Variants in CCNY observed in about 807,000 individuals in gnomAD.
CCNY encodes cyclin Y.
In CCNY, 19 loss-of-function variants were observed where a neutral mutation model predicts 42.8. The ratio of observed to expected loss-of-function variants is 0.44; its 90% CI spans 0.31 to 0.65. CCNY has a LOEUF of 0.65. CCNY is among the 30% of genes least tolerant of loss of function. The probability of loss-of-function intolerance (pLI) is 0.07; values close to 1 mark genes in which losing one functional copy is unlikely to be tolerated. For synonymous variants in CCNY, 165 were observed against 162.7 expected (o/e 1.01, Z -0.11); for missense variants, 370 against 437.3 (o/e 0.85, Z 1.37).
Position 35,267,939 on chromosome 10 carries a change from T to C in CCNY, c.-9+17313T>C, listed in dbSNP as rs570965752. On this transcript the variant is annotated intron_variant, in intron 3 of 11. Transcript: ENST00000374706. ...CAGTTCTTATCTTCTTTTTTCCTTT[T>C]TTTTTGAGACAGAGTCTCATGACCA... is the stretch of plus-strand genomic sequence containing the variant. Among the ~76,000 whole-genome samples, 7 of 152,272 alleles carry C rather than the reference T, an allele frequency of 4.6e-5. No individual in the cohort carries two copies. In the East Asian group the frequency reaches 9.7e-4, roughly 21 times the overall value.
chr10:35,562,027 T>C (rs1841476665), intron 8 of CCNY, among the ~76,000 whole-genome samples: 1 of 152,174 alleles, frequency 6.6e-6, no homozygotes, highest in African/African-American at 2.4e-5. Flanking sequence ...GAGCAAGAAG[T>C]GGCAACCGCT....
chr10:35,494,260 AT>A (rs1182050522), intron 2 of CCNY, among the ~76,000 whole-genome samples: 6 of 145,440 alleles, frequency 4.1e-5, no homozygotes, highest in African/African-American at 1.5e-4. Flanking sequence ...CTACAAAAAA[AT>A]AAAGATTTTT....
intron 1 of CCNY, among the ~76,000 whole-genome samples, chr10:35,371,767 G>C (rs916908387): frequency 5.9e-5 from 9 of 152,178 alleles, no homozygotes; most frequent in Non-Finnish European, 1.2e-4. Flanking sequence ...AAACCAAGAA[G>C]GGTGGTCAGA....
At chr10:35,502,964 T>C (rs1332474875) in intron 3 of CCNY, among the ~76,000 whole-genome samples, 2 of 152,202 alleles carry the variant, frequency 1.3e-5, no homozygotes, top group African/African-American at 4.8e-5. Flanking sequence ...TGCAGCTCCA[T>C]GGAAGGTGCA....
intron 3 of CCNY, among the ~76,000 whole-genome samples, chr10:35,323,003 T>C (rs1835838151): frequency 6.6e-6 from 1 of 152,184 alleles, no homozygotes. Flanking sequence ...CTTGGCTCAG[T>C]CTCACCTCCA....
At chr10:35,516,978 C>A (rs936632790) in intron 4 of CCNY, among the ~76,000 whole-genome samples, 14 of 151,942 alleles carry the variant, frequency 9.2e-5, no homozygotes, top group African/African-American at 3.4e-4. Context: ...TGAAGCCATC[C>A]TGGCATAACT....
intron 2 of CCNY, among the ~76,000 whole-genome samples, chr10:35,496,751 G>GATTTCAGCT (rs1412956068): frequency 6.6e-6 from 1 of 152,170 alleles, no homozygotes; most frequent in African/African-American, 2.4e-5. Context: ...CAGCTGAAAT[G>GATTTCAGCT]GTGTTTAGAT....
chr10:35,560,011 G>C (rs532678205), intron 8 of CCNY, among the ~76,000 whole-genome samples: 1 of 145,836 alleles, frequency 6.9e-6, no homozygotes, highest in Admixed American at 6.7e-5. Context: ...TGGAAGGAAA[G>C]GGGATGCCTG....
At chr10:35,516,268 T>G (rs1227147735) in intron 3 of CCNY, among the ~76,000 whole-genome samples, 1 of 152,244 alleles carries the variant, frequency 6.6e-6, no homozygotes, top group Non-Finnish European at 1.5e-5. Flanking sequence ...GATGCTTGAT[T>G]GCAAGAGTTT....
chr10:35,265,287 G>C (rs139882254), intron 3 of CCNY, among the ~76,000 whole-genome samples: 9 of 152,062 alleles, frequency 5.9e-5, no homozygotes, highest in Non-Finnish European at 8.8e-5. Flanking sequence ...AAATAATTCC[G>C]GCATCTTACG....
At chr10:35,460,468 A>ACACG (rs397955702) in intron 1 of CCNY, among the ~76,000 whole-genome samples, 1 of 151,952 alleles carries the variant, frequency 6.6e-6, no homozygotes, top group Non-Finnish European at 1.5e-5. Context: ...ACACACACAC[A>ACACG]GGATAATTAT....
Position 35,500,285 on chromosome 10 carries a change from T to G in CCNY, c.230-1216T>G, listed in dbSNP as rs147260648. Among the ~76,000 whole-genome samples, 641 of 152,384 alleles carry G rather than the reference T, an allele frequency of 4.2e-3. 3 individuals are homozygous for G. Among genetic ancestry groups the G allele is most frequent in the African/African-American group, 0.015 (621 of 41,590 alleles). ...CAGTATCCTCAGACTAATTTTTGCT[T>G]TTGCATTTTTGCTTTTGTTATCTTT... On this transcript the variant is annotated intron_variant, in intron 2 of 9. Transcript: ENST00000374704.
At chr10:35,378,129 T>A (rs1443827171) in intron 1 of CCNY, among the ~76,000 whole-genome samples, 2 of 152,256 alleles carry the variant, frequency 1.3e-5, no homozygotes, top group Non-Finnish European at 2.9e-5. Context: ...ATACTTTAAA[T>A]GGACCTTTTA....
At chr10:35,294,736 T>C (rs1389060285) in intron 3 of CCNY, among the ~76,000 whole-genome samples, 1 of 152,224 alleles carries the variant, frequency 6.6e-6, no homozygotes, top group Non-Finnish European at 1.5e-5. Flanking sequence ...GGGTTTAGTA[T>C]GAGGGAAATA....
intron 1 of CCNY, among the ~76,000 whole-genome samples, chr10:35,386,370 T>C (rs781206592): frequency 5.9e-5 from 9 of 152,222 alleles, no homozygotes; most frequent in South Asian, 4.1e-4. Flanking sequence ...AAGAGAGCTA[T>C]GCATCCTGGT....
intron 1 of CCNY, among the ~76,000 whole-genome samples, chr10:35,411,074 A>ACTCT: frequency 6.6e-6 from 1 of 152,210 alleles, no homozygotes; most frequent in South Asian, 2.1e-4. Flanking sequence ...TTGTCAGAAT[A>ACTCT]CTCTGGCCTT....
At chr10:35,394,060 G>GACCC (rs1258222839) in intron 1 of CCNY, among the ~76,000 whole-genome samples, 1 of 152,196 alleles carries the variant, frequency 6.6e-6, no homozygotes, top group African/African-American at 2.4e-5. Context: ...TGGTTCAGTG[G>GACCC]ACCCGTTCTT....
At chr10:35,491,632 A>T (rs368473068) in intron 2 of CCNY, among the ~76,000 whole-genome samples, 5 of 151,760 alleles carry the variant, frequency 3.3e-5, no homozygotes, top group African/African-American at 7.3e-5. Context: ...TTATTTATTT[A>T]TTTTTTTGAG....
At chr10:35,316,674 C>T (rs1835764375) in intron 3 of CCNY, among the ~76,000 whole-genome samples, 2 of 152,148 alleles carry the variant, frequency 1.3e-5, no homozygotes, top group Admixed American at 1.3e-4. Flanking sequence ...TTCCAAGCCT[C>T]TTTTGGATGG....
Sources: gnomAD v4.1 joint callset for allele counts (sites outside exome capture counted in the v4.1 genomes callset) on GRCh38, gnomAD v4.1.1 for gene constraint, MANE v1.5 for transcripts, NCBI Gene and HGNC (gene_info 2026-07-23, HGNC 2026-07-21) for gene names.